The following ACAD8 variants were observed in gnomAD, a reference collection of about 807,000 sequenced individuals.
The protein encoded by ACAD8 is acyl-CoA dehydrogenase family member 8.
Under a neutral mutation model 53.1 loss-of-function variants are expected in ACAD8, and 47 were observed. That is an observed-to-expected ratio of 0.89 (90% CI 0.70 to 1.13). The LOEUF is 1.13. Among genes scored for constraint, ACAD8 ranks in the 50% most tolerant of loss-of-function variants. The pLI, the probability that ACAD8 is intolerant of heterozygous loss-of-function variation, is 0.00. For missense variants in ACAD8, 494 were observed against 535.0 expected, an observed-to-expected ratio of 0.92 and a Z score of 0.76; for synonymous variants, 198 against 201.3, an observed-to-expected ratio of 0.98 and a Z score of 0.14.
intron 3 of ACAD8, chr11:134,258,091 C>T: frequency 3.5e-6 from 1 of 284,596 alleles, no homozygotes; most frequent in Non-Finnish European, 6.8e-6. Context: ...ACCTTGTGTT[C>T]TGCCTGCCTC....
intron 5 of ACAD8, 197 bp from the exon 6 acceptor site, chr11:134,259,411 T>C (rs1939743113): frequency 1.7e-6 from 1 of 589,910 alleles, no homozygotes; most frequent in African/African-American, 2.4e-5. Flanking sequence ...TTGGACCTTA[T>C]TGTCAGTCTC....
At chr11:134,260,456 T>G in intron 6 of ACAD8, 1 of 181,862 alleles carries the variant, frequency 5.5e-6, no homozygotes, top group South Asian at 1.2e-4. Context: ...CTCCTCGGGT[T>G]TCTGTATTTT....
At chr11:134,257,589 T>C (rs1939617091) in intron 3 of ACAD8, among the ~76,000 whole-genome samples, 1 of 151,756 alleles carries the variant, frequency 6.6e-6, no homozygotes, top group Admixed American at 6.6e-5. Flanking sequence ...AGGAGGATGG[T>C]GTGAACCCGG....
At chr11:134,260,222 G>C in intron 6 of ACAD8, 1 of 1,080,742 alleles carries the variant, frequency 9.3e-7, no homozygotes, top group Non-Finnish European at 1.1e-6. Context: ...TAAGTAATTT[G>C]AAAAGTAAGA....
chr11:134,262,001 G>A, intron 9 of ACAD8, 111 bp downstream of exon 9: 7 of 1,299,880 alleles, frequency 5.4e-6, no homozygotes, highest in Non-Finnish European at 7.6e-6. Flanking sequence ...AATCCCACAA[G>A]GATCACCTTA....
In ACAD8 at chr11:134,264,391, G is replaced by A. The variant is rs544901002; in HGVS notation, c.1196-517G>A. On this transcript the variant is annotated intron_variant, in intron 10 of 10. Transcript: ENST00000281182. Reference sequence around the variant, plus strand: ...GGCCTGGTGGGGCCTGGTGGCACATGCTTGTGGTCCCAGCTACTCAGGAGG... The same window carrying A: ...GGCCTGGTGGGGCCTGGTGGCACATACTTGTGGTCCCAGCTACTCAGGAGG... Among the ~76,000 whole-genome samples the A allele has an allele frequency of 4.0e-3, 614 of 152,198 alleles. 5 individuals are homozygous for A. Among genetic ancestry groups the A allele is most frequent in the Non-Finnish European group, 6.7e-3 (459 of 68,014 alleles).
At chr11:134,254,529 T>C (rs1327824830) in intron 1 of ACAD8, among the ~76,000 whole-genome samples, 2 of 152,210 alleles carry the variant, frequency 1.3e-5, no homozygotes, top group Non-Finnish European at 2.9e-5. Flanking sequence ...GCAGTTTTCT[T>C]TACAACAGAA....
Position 134,260,960 on chromosome 11 carries a change from A to G in ACAD8, c.706-84A>G, listed in dbSNP as rs967555931. ...GTCTAAGTCTTGGGTGCTGAAACCC[A>G]TACCTCACAGGCTCCCGTCCCCAGG... is the stretch of plus-strand genomic sequence containing the variant. On this transcript the variant is annotated intron_variant, in intron 6 of 10. Coordinates refer to ENST00000281182, the MANE Select transcript of ACAD8 (RefSeq NM_014384.3). The G allele has an allele frequency of 4.6e-6, 7 of 1,536,660 alleles. No individual in the cohort carries two copies. In the African/African-American group the frequency reaches 9.6e-5, roughly 21 times the overall value.
Position 134,259,025 on chromosome 11 carries a change from G to T in ACAD8, c.508G>T (p.Ala170Ser). 3 of 1,614,154 alleles carry T rather than the reference G, an allele frequency of 1.9e-6. No homozygotes were observed. The highest frequency in any genetic ancestry group is 2.5e-6 in the Non-Finnish European group (3 of 1,180,034). Residue 170 changes from alanine (A) to serine (S), a missense_variant, in exon 5 of 11, where the codon GCC becomes TCC. Coordinates refer to ENST00000281182, the MANE Select transcript of ACAD8 (RefSeq NM_014384.3). ...CTCCTCAGGAAGTGGGAGTGATGCT[G>T]CCTCTCTTCTGACCTCCGCTAAGAA... ...LTEPGSGSDA[A>S]SLLTSAKKQG...
chr11:134,256,466 A>C, intron 1 of ACAD8, 82 bp from the exon 2 acceptor site: 1 of 1,111,086 alleles, frequency 9.0e-7, no homozygotes, highest in Non-Finnish European at 1.4e-6. Flanking sequence ...CACTTTCACA[A>C]CTTCGTGGTG....
intron 10 of ACAD8, chr11:134,263,826 A>G (rs986688467): frequency 5.1e-6 from 5 of 985,336 alleles, no homozygotes; most frequent in Non-Finnish European, 6.0e-6. Flanking sequence ...ACTTTGTTTC[A>G]TCATGGACTT....
intron 6 of ACAD8, chr11:134,260,069 C>G: frequency 8.3e-7 from 1 of 1,211,380 alleles, no homozygotes; most frequent in African/African-American, 1.6e-5. Context: ...GGAAGAGACG[C>G]TTAGAGAAGA....
chr11:134,256,663 T>C lies in ACAD8; in HGVS notation c.210+15T>C, dbSNP rs201981140. 3.1e-6 allele frequency: 5 copies of C among 1,610,262 alleles called. No individual in the cohort carries two copies. In the African/African-American group the frequency reaches 6.7e-5, roughly 21 times the overall value. On this transcript the variant is annotated intron_variant, in intron 2 of 10. Transcript: ENST00000281182. Reference sequence around the variant, plus strand: ...GGGACCAGAAGGTAGGCGTTTTTCTTGTGCTTAGACGTTCTAACAACAGAT... The same window carrying C: ...GGGACCAGAAGGTAGGCGTTTTTCTCGTGCTTAGACGTTCTAACAACAGAT...
chr11:134,256,438 G>A, intron 1 of ACAD8, 110 bp from the exon 2 acceptor site: 1 of 822,984 alleles, frequency 1.2e-6, no homozygotes. Context: ...CCGTGTATGG[G>A]AAATACTACA....
intron 2 of ACAD8, 117 bp downstream of exon 2, chr11:134,256,765 CA>C: frequency 3.3e-6 from 3 of 908,224 alleles, no homozygotes; most frequent in Non-Finnish European, 3.4e-6. Flanking sequence ...ACTCTTACTG[CA>C]AGTGAGAATA....
intron 5 of ACAD8, 147 bp from the exon 6 acceptor site, chr11:134,259,461 A>G (rs968609274): frequency 5.2e-5 from 31 of 595,218 alleles, no homozygotes; most frequent in Non-Finnish European, 8.9e-5. Flanking sequence ...GTGCCATTGG[A>G]CCTTATTGTC....
rs754982767 is a variant in ACAD8 at position 134,257,219 on chromosome 11, A to G, written c.342A>G (p.Thr114=). 4 of 1,614,104 alleles carry G rather than the reference A, an allele frequency of 2.5e-6. No individual in the cohort carries two copies. The highest frequency in any genetic ancestry group is 3.4e-6 in the Non-Finnish European group (4 of 1,180,052). The change falls in exon 3 of 11, where the codon ACA becomes ACG. Residue 114 remains threonine, a synonymous_variant. Coordinates refer to ENST00000281182, the MANE Select transcript of ACAD8 (RefSeq NM_014384.3). Reference sequence around the variant, plus strand: ...CTGTCATTTTTGAAGCCTTGGCTACAGGCTGCACCAGCACCACAGCCTATA... The same window carrying G: ...CTGTCATTTTTGAAGCCTTGGCTACGGGCTGCACCAGCACCACAGCCTATA... ...DTSVIFEALA[T]GCTSTTAYIS...
At chr11:134,263,725 T>C in intron 10 of ACAD8, 4 of 985,302 alleles carry the variant, frequency 4.1e-6, no homozygotes, top group Non-Finnish European at 4.8e-6. Context: ...TCTAACTCTC[T>C]CTCCACCCTG....
chr11:134,261,599 CT>C lies in ACAD8; in HGVS notation c.940-138del, dbSNP rs1168531544. On this transcript the variant is annotated intron_variant, in intron 8 of 10. Transcript: ENST00000281182. The surrounding 1 kb of genome is among the most constrained non-coding windows in gnomAD (Gnocchi z 4.2). ...TTAGCACTTAAAAGCAATAAATTTC[CT>C]CTATAGAAAAAGCAAGAGACTTTGA... 6.5e-7 allele frequency: 1 copy of C among 1,546,786 alleles called. No individual in the cohort carries two copies.
Sources: gnomAD v4.1 joint callset for allele counts (sites outside exome capture counted in the v4.1 genomes callset) on GRCh38, gnomAD v4.1.1 for gene constraint, Gnocchi (gnomAD v3.1) non-coding constraint, MANE v1.5 for transcripts, NCBI Gene and HGNC (gene_info 2026-07-23, HGNC 2026-07-21) for gene names.